The following ZNF804B variants were observed in gnomAD, a reference collection of about 807,000 sequenced individuals.
ZNF804B encodes the protein zinc finger 804B.
Under a neutral mutation model 101.4 loss-of-function variants are expected in ZNF804B, and 80 were observed. The ratio of observed to expected loss-of-function variants is 0.79; its 90% CI spans 0.66 to 0.95. ZNF804B has a LOEUF of 0.95. ZNF804B is among the 40% of genes least tolerant of loss of function. The pLI, the probability that ZNF804B is intolerant of heterozygous loss-of-function variation, is 0.00. For synonymous variants in ZNF804B, 622 were observed against 558.8 expected, an observed-to-expected ratio of 1.11 and a Z score of -1.59; for missense variants, 1,673 against 1,561.9, an observed-to-expected ratio of 1.07 and a Z score of -1.20.
At chr7:88,885,502 A>T (rs1440293574) in intron 1 of ZNF804B, among the ~76,000 whole-genome samples, 1 of 151,572 alleles carries the variant, frequency 6.6e-6, no homozygotes, top group Non-Finnish European at 1.5e-5. Context: ...ATCATTTTCT[A>T]TTAGAGAATT....
At chr7:89,193,051 G>A (rs1332869696) in intron 1 of ZNF804B, among the ~76,000 whole-genome samples, 3 of 151,962 alleles carry the variant, frequency 2.0e-5, no homozygotes, top group Non-Finnish European at 4.4e-5. Flanking sequence ...ATACTGAATG[G>A]GCAAAAGCTG....
intron 1 of ZNF804B, among the ~76,000 whole-genome samples, chr7:88,883,503 T>C (rs1433258841): frequency 6.6e-6 from 1 of 152,106 alleles, no homozygotes. Flanking sequence ...AACACACTTG[T>C]CCAAGCTCTT....
chr7:89,300,744 A>T (rs188600438), intron 2 of ZNF804B, among the ~76,000 whole-genome samples: 1 of 151,954 alleles, frequency 6.6e-6, no homozygotes, highest in Non-Finnish European at 1.5e-5. Context: ...CATTCCAAAG[A>T]CCTTGGATTT....
At chr7:89,095,389 A>G (rs1352536706) in intron 1 of ZNF804B, among the ~76,000 whole-genome samples, 2 of 152,172 alleles carry the variant, frequency 1.3e-5, no homozygotes, top group Non-Finnish European at 2.9e-5. Flanking sequence ...TTTGTAAATT[A>G]CCCAGTCTGT....
intron 1 of ZNF804B, among the ~76,000 whole-genome samples, chr7:88,782,745 G>C (rs1024780023): frequency 6.6e-6 from 1 of 152,092 alleles, no homozygotes; most frequent in Non-Finnish European, 1.5e-5. Flanking sequence ...ATAAGAAATG[G>C]TGCTTCTGTG....
intron 1 of ZNF804B, among the ~76,000 whole-genome samples, chr7:89,207,458 A>G (rs569851749): frequency 6.6e-6 from 1 of 152,216 alleles, no homozygotes; most frequent in African/African-American, 2.4e-5. Flanking sequence ...ACAGCACAGG[A>G]AAAAACCCAC....
chr7:89,250,679 C>T (rs1428826370), intron 2 of ZNF804B, among the ~76,000 whole-genome samples: 1 of 152,118 alleles, frequency 6.6e-6, no homozygotes, highest in Admixed American at 6.6e-5. Context: ...AACACAGACA[C>T]AAAAATTTCT....
intron 1 of ZNF804B, among the ~76,000 whole-genome samples, chr7:88,960,003 G>A (rs1024292847): frequency 6.6e-6 from 1 of 151,294 alleles, no homozygotes; most frequent in Non-Finnish European, 1.5e-5. Flanking sequence ...CCTCTGCAAT[G>A]AAAATTTTGA....
At chr7:89,011,437 C>T (rs1301202977) in intron 1 of ZNF804B, among the ~76,000 whole-genome samples, 24 of 152,156 alleles carry the variant, frequency 1.6e-4, no homozygotes, top group Non-Finnish European at 1.5e-5. Context: ...CCAGCATTAA[C>T]CCAAAAGTCC....
chr7:88,878,275 C>G lies in ZNF804B; in HGVS notation c.108+118191C>G, dbSNP rs184691883. Among the ~76,000 whole-genome samples, 129 of 152,238 alleles carry G rather than the reference C, an allele frequency of 8.5e-4. 3 individuals carry two copies. Among genetic ancestry groups the G allele is most frequent in the Middle Eastern group, 6.8e-3 (2 of 294 alleles). Reference sequence around the variant, plus strand: ...TTCAACTCAGATTTAAAACCAGACTCTGGTCTCACTTTCTCCATTAGATAA... The same window carrying G: ...TTCAACTCAGATTTAAAACCAGACTGTGGTCTCACTTTCTCCATTAGATAA... On this transcript the variant is annotated intron_variant, in intron 1 of 3. Transcript: ENST00000333190.
chr7:88,918,901 C>A (rs1562831689), intron 1 of ZNF804B, among the ~76,000 whole-genome samples: 1 of 151,810 alleles, frequency 6.6e-6, no homozygotes, highest in African/African-American at 2.4e-5. Context: ...GAGTGAGGAG[C>A]AATTGAAACA....
chr7:89,242,827 A>C (rs1415718826), intron 2 of ZNF804B, among the ~76,000 whole-genome samples: 2 of 151,862 alleles, frequency 1.3e-5, no homozygotes, highest in African/African-American at 2.4e-5. Context: ...AAATGTTGGA[A>C]TACAAAGCAT....
chr7:89,256,931 A>G (rs1292305765), intron 2 of ZNF804B, among the ~76,000 whole-genome samples: 1 of 152,226 alleles, frequency 6.6e-6, no homozygotes, highest in East Asian at 1.9e-4. Flanking sequence ...TCTCTAAACT[A>G]CATATGTTTA....
chr7:89,145,726 T>C (rs1197106847), intron 1 of ZNF804B, among the ~76,000 whole-genome samples: 1 of 152,050 alleles, frequency 6.6e-6, no homozygotes, highest in East Asian at 1.9e-4. Context: ...TCCATGTTAG[T>C]GAGCAGGTAT....
At chr7:89,268,960 GT>G (rs1789841766) in intron 2 of ZNF804B, among the ~76,000 whole-genome samples, 1 of 152,008 alleles carries the variant, frequency 6.6e-6, no homozygotes, top group South Asian at 2.1e-4. Flanking sequence ...AAATCCAAAT[GT>G]TTTGTCAACA....
intron 1 of ZNF804B, among the ~76,000 whole-genome samples, chr7:88,842,355 C>G (rs1303189279): frequency 6.6e-6 from 1 of 152,140 alleles, no homozygotes; most frequent in African/African-American, 2.4e-5. Context: ...AACCAGCTCT[C>G]CCATGAAGTG....
At chr7:89,031,817 G>T (rs116042949) in intron 1 of ZNF804B, among the ~76,000 whole-genome samples, 3,108 of 152,114 alleles carry the variant, frequency 0.02, 116 homozygotes, top group African/African-American at 0.071. Flanking sequence ...ATCATTTCAT[G>T]TTGAAAGTGA....
At chr7:88,797,091 C>T (rs1790497799) in intron 1 of ZNF804B, among the ~76,000 whole-genome samples, 1 of 151,982 alleles carries the variant, frequency 6.6e-6, no homozygotes, top group South Asian at 2.1e-4. Context: ...AACATGTTTC[C>T]CTTTACAAAT....
Position 88,787,468 on chromosome 7 carries a change from CAT to C in ZNF804B, c.108+27393_108+27394del, listed in dbSNP as rs140610767. On this transcript the variant is annotated intron_variant, in intron 1 of 3. Coordinates refer to ENST00000333190, the MANE Select transcript of ZNF804B (RefSeq NM_181646.5). ...TAAAGGCCTTATTACTAGGAGTTTA[CAT>C]ATATATATGTGACAGATGAATCTGA... Among the ~76,000 whole-genome samples, 471 of 152,132 alleles carry C rather than the reference CAT, an allele frequency of 3.1e-3. 4 individuals carry two copies. The highest frequency in any genetic ancestry group is 0.025 in the East Asian group (128 of 5,164).
Sources: allele counts gnomAD v4.1 joint callset (sites outside exome capture counted in the v4.1 genomes callset), GRCh38; gene constraint gnomAD v4.1.1; transcripts MANE v1.5; gene names NCBI Gene and HGNC (gene_info 2026-07-23, HGNC 2026-07-21).